LUZP1: variants seen among roughly 807,000 people sequenced by gnomAD.
The protein encoded by LUZP1 is filamin mechanobinding actin cross-linking protein.
In LUZP1, 25 loss-of-function variants were observed where a neutral mutation model predicts 71.3. The observed-to-expected ratio is 0.35, with a 90% CI of 0.26 to 0.49. The LOEUF is 0.49. LUZP1 is among the 20% of genes least tolerant of loss of function. The pLI is 0.99. For missense variants in LUZP1, 1,142 were observed against 1,300.8 expected (o/e 0.88, Z 1.88); for synonymous variants, 481 against 506.4 (o/e 0.95, Z 0.67).
chr1:23,103,188 C>T (rs572963588), intron 3 of LUZP1, among the ~76,000 whole-genome samples: 6 of 151,640 alleles, frequency 4.0e-5, no homozygotes, highest in East Asian at 3.9e-4. Context: ...CCTCCCACTT[C>T]GCCCTTCGAG....
chr1:23,163,555 T>TAAAAAAAA (rs57231452), intron 2 of LUZP1, among the ~76,000 whole-genome samples: 1 of 119,178 alleles, frequency 8.4e-6, no homozygotes, highest in Non-Finnish European at 1.7e-5. Context: ...TCCCGTCTCT[T>TAAAAAAAA]AAAAAAAAAA....
In LUZP1 at chr1:23,093,954, G is replaced by A; in HGVS notation, c.308C>T (p.Thr103Ile). 1.2e-6 allele frequency: 2 copies of A among 1,614,170 alleles called. No individual in the cohort carries two copies. Among genetic ancestry groups the A allele is most frequent in the African/African-American group, 1.3e-5 (1 of 75,034 alleles). The change falls in exon 4 of 5, where the codon ACC becomes ATC. Residue 103 changes from threonine to isoleucine, a missense_variant. Coordinates refer to ENST00000302291, the Ensembl canonical transcript of LUZP1. The surrounding 1 kb of genome is among the most constrained non-coding windows in gnomAD (Gnocchi z 4.2). ...CTCAATCTCAGATTTCAGCTCCCGG[G>A]TGAGGTTTTCTTCCTCTTCAAGTTT...
intron 2 of LUZP1, among the ~76,000 whole-genome samples, chr1:23,136,065 C>CT (rs1008237758): frequency 6.6e-6 from 1 of 152,028 alleles, no homozygotes; most frequent in African/African-American, 2.4e-5. Context: ...AATCAATGAG[C>CT]TTTTTTGTGC....
In LUZP1 at chr1:23,094,583, C is replaced by G. The variant is rs1422280423; in HGVS notation, c.-119-203G>C. 1.3e-5 allele frequency among the ~76,000 whole-genome samples: 2 copies of G among 152,106 alleles called. No individual in the cohort carries two copies. Among genetic ancestry groups the G allele is most frequent in the Admixed American group, 6.5e-5 (1 of 15,276 alleles). On this transcript the variant is annotated intron_variant, in intron 3 of 4. Transcript: ENST00000302291. This position sits in a 1 kb window ranked among gnomAD's most constrained non-coding sequence, Gnocchi z 4.7. The stretch of plus-strand genomic sequence containing the variant: ...TATTGAGTTGATACCTCATTTCGCC[C>G]TAATAAAGAATGTCACCAGTGGCAG...
At chr1:23,115,313 G>A (rs369274253) in intron 2 of LUZP1, among the ~76,000 whole-genome samples, 23 of 152,284 alleles carry the variant, frequency 1.5e-4, no homozygotes, top group Admixed American at 3.9e-4. Context: ...TAGGAAGCTA[G>A]TAACAGACAA....
rs751013038 is a variant in LUZP1, at chr1:23,093,510, G to T, written c.752C>A (p.Pro251Gln). 12 of 1,612,930 alleles carry T rather than the reference G, an allele frequency of 7.4e-6. No homozygotes were observed. The highest frequency in any genetic ancestry group is 1.0e-5 in the Non-Finnish European group (12 of 1,179,820). The change falls in exon 4 of 5, where the codon CCG (proline) becomes CAG (glutamine). Residue 251 changes from proline to glutamine, a missense_variant. Transcript: ENST00000302291. This position sits in a 1 kb window ranked among gnomAD's most constrained non-coding sequence, Gnocchi z 4.2. ...ACCCTTCCTTCTTGATTCTTTGGAC[G>T]GCAGTGTGGAAGAGATGCCATCCTC...
At chr1:23,127,738 T>A (rs1644183227) in intron 2 of LUZP1, among the ~76,000 whole-genome samples, 1 of 152,180 alleles carries the variant, frequency 6.6e-6, no homozygotes. Flanking sequence ...TTAGCCAGGA[T>A]GGTCTTGATC....
At chr1:23,161,415 AG>A (rs890191202) in intron 2 of LUZP1, among the ~76,000 whole-genome samples, 10 of 152,190 alleles carry the variant, frequency 6.6e-5, no homozygotes, top group Admixed American at 2.0e-4. Flanking sequence ...GAAGTGTTCG[AG>A]GAAGACAGAG....
chr1:23,128,720 G>A (rs1035024027), intron 2 of LUZP1, among the ~76,000 whole-genome samples: 8 of 152,212 alleles, frequency 5.3e-5, no homozygotes, highest in African/African-American at 1.9e-4. Context: ...CTGGGATACA[G>A]ACCTCAATAT....
intron 1 of LUZP1, among the ~76,000 whole-genome samples, chr1:23,171,571 G>A (rs111649161): frequency 7.9e-5 from 12 of 152,342 alleles, no homozygotes; most frequent in African/African-American, 2.6e-4. Flanking sequence ...GGCATTTCTA[G>A]AGCACTGGCC....
chr1:23,100,553 C>T (rs955155155), intron 3 of LUZP1, among the ~76,000 whole-genome samples: 5 of 152,168 alleles, frequency 3.3e-5, no homozygotes, highest in Non-Finnish European at 5.9e-5. Context: ...AGTTATCGGA[C>T]CAAATGTTGG....
intron 2 of LUZP1, among the ~76,000 whole-genome samples, chr1:23,117,519 CGGGGGGGG>C (rs71575742): frequency 3.2e-5 from 1 of 31,024 alleles, no homozygotes; most frequent in African/African-American, 1.3e-4. Flanking sequence ...GGGGGGGGGG[CGGGGGGGG>C]GGAACACCTT....
chr1:23,174,270 C>T (rs1265656183), intron 1 of LUZP1, among the ~76,000 whole-genome samples: 2 of 152,128 alleles, frequency 1.3e-5, no homozygotes. Flanking sequence ...TGTTCCAGCT[C>T]AATGAGAGAG....
chr1:23,105,012 C>T (rs1643969409), intron 3 of LUZP1, among the ~76,000 whole-genome samples: 1 of 152,100 alleles, frequency 6.6e-6, no homozygotes, highest in African/African-American at 2.4e-5. Flanking sequence ...CTGTATAGTC[C>T]CTCCAAAACA....
intron 2 of LUZP1, among the ~76,000 whole-genome samples, chr1:23,122,691 T>A (rs182683080): frequency 6.6e-6 from 1 of 152,340 alleles, no homozygotes. Context: ...AAAAATAACT[T>A]ATTAAAACGG....
At chr1:23,168,922 G>T (rs1353911757) in exon 2 of LUZP1, 1 of 152,124 alleles carries the variant, frequency 6.6e-6, no homozygotes, top group African/African-American at 2.4e-5. Flanking sequence ...GATGGGCGGG[G>T]TTGTCTGTAG....
exon 4 of LUZP1, chr1:23,092,033 G>C: frequency 6.2e-7 from 1 of 1,614,014 alleles, no homozygotes; most frequent in Non-Finnish European, 8.5e-7. Flanking sequence ...TGGGGCTAAA[G>C]GGCCTTTGGC....
intron 3 of LUZP1, among the ~76,000 whole-genome samples, chr1:23,103,181 C>T (rs908694329): frequency 2.6e-5 from 4 of 151,742 alleles, no homozygotes; most frequent in African/African-American, 9.7e-5. Flanking sequence ...AAGCCATCCT[C>T]CCACTTCGCC....
chr1:23,084,056 C>CTGAT (rs970957097), exon 5 of LUZP1: 20 of 152,254 alleles, frequency 1.3e-4, no homozygotes, highest in African/African-American at 4.1e-4. Flanking sequence ...GCCTTTATTC[C>CTGAT]TGATTCCCTC....
Sources: allele counts gnomAD v4.1 joint callset (sites outside exome capture counted in the v4.1 genomes callset), GRCh38; gene constraint gnomAD v4.1.1; non-coding constraint Gnocchi (gnomAD v3.1); transcripts MANE v1.5; gene names NCBI Gene and HGNC (gene_info 2026-07-23, HGNC 2026-07-21).